HECW2: variants seen among roughly 807,000 people sequenced by gnomAD.
HECW2 encodes the protein HECT, C2 and WW domain containing E3 ubiquitin protein ligase 2, also known as E3 ubiquitin-protein ligase HECW2.
Under a neutral mutation model 175.2 loss-of-function variants are expected in HECW2, and 61 were observed. That is an observed-to-expected ratio of 0.35 (90% CI 0.28 to 0.43). The LOEUF is 0.43. HECW2 is among the 20% of genes least tolerant of loss of function. HECW2 has a pLI of 1.00. For missense variants in HECW2, 1,524 were observed against 2,000.5 expected (o/e 0.76, Z 4.54); for synonymous variants, 671 against 731.0 (o/e 0.92, Z 1.32).
At chr2:196,542,833 C>T (rs1689272734) in intron 1 of HECW2, among the ~76,000 whole-genome samples, 1 of 148,482 alleles carries the variant, frequency 6.7e-6, no homozygotes, top group Admixed American at 6.8e-5. Flanking sequence ...AATCTAATAT[C>T]TAATATACAT....
intron 18 of HECW2, among the ~76,000 whole-genome samples, chr2:196,254,982 T>G (rs1346935030): frequency 6.6e-6 from 1 of 150,728 alleles, no homozygotes; most frequent in East Asian, 1.9e-4. Flanking sequence ...CTTTTTTTTT[T>G]TTTTTTTCTG....
chr2:196,498,402 G>A (rs576332910), intron 1 of HECW2, among the ~76,000 whole-genome samples: 16 of 152,132 alleles, frequency 1.1e-4, no homozygotes, highest in Non-Finnish European at 1.8e-4. Flanking sequence ...GCAGTATCAT[G>A]GTGAACATCT....
At chr2:196,279,211 G>C (rs929150869) in intron 14 of HECW2, among the ~76,000 whole-genome samples, 4 of 152,022 alleles carry the variant, frequency 2.6e-5, no homozygotes, top group Non-Finnish European at 4.4e-5. Context: ...ACCACGCCCG[G>C]CTAATTTTTT....
chr2:196,430,032 G>GGCTA (rs1369152767), intron 2 of HECW2, among the ~76,000 whole-genome samples: 1 of 152,142 alleles, frequency 6.6e-6, no homozygotes, highest in African/African-American at 2.4e-5. Context: ...GAAGAGACCT[G>GGCTA]GCTAGCACTC....
chr2:196,347,609 T>C (rs1255094999), intron 2 of HECW2, among the ~76,000 whole-genome samples: 1 of 152,190 alleles, frequency 6.6e-6, no homozygotes, highest in Non-Finnish European at 1.5e-5. Context: ...AGAACACAAA[T>C]GTTCCATATA....
chr2:196,444,736 C>G (rs1696134859), intron 1 of HECW2, among the ~76,000 whole-genome samples: 1 of 152,196 alleles, frequency 6.6e-6, no homozygotes, highest in African/African-American at 2.4e-5. Flanking sequence ...AGGCCTCTCA[C>G]AAGTAGTGAC....
intron 15 of HECW2, among the ~76,000 whole-genome samples, chr2:196,278,236 T>C (rs919533797): frequency 3.5e-5 from 5 of 144,192 alleles, no homozygotes; most frequent in African/African-American, 1.3e-4. Flanking sequence ...ATCATCTTCC[T>C]GTCTCGAACA....
intron 1 of HECW2, among the ~76,000 whole-genome samples, chr2:196,457,427 A>G (rs747772063): frequency 1.3e-5 from 2 of 152,200 alleles, no homozygotes; most frequent in East Asian, 3.8e-4. Flanking sequence ...CCTCTTAACT[A>G]TACTCCAAGC....
chr2:196,278,374 C>CCTGT (rs2105985913), intron 15 of HECW2, among the ~76,000 whole-genome samples, 154 bp downstream of exon 15: 1 of 148,848 alleles, frequency 6.7e-6, no homozygotes, highest in South Asian at 2.2e-4. Flanking sequence ...CCAGAGAAGC[C>CCTGT]CTGTCAACAT....
At chr2:196,202,048 G>C (rs1686876512) in intron 28 of HECW2, among the ~76,000 whole-genome samples, 1 of 151,926 alleles carries the variant, frequency 6.6e-6, no homozygotes, top group African/African-American at 2.4e-5. Flanking sequence ...CTTTTGCCAA[G>C]ATAGGAAAAA....
intron 16 of HECW2, 45 bp downstream of exon 16, chr2:196,273,976 T>A (rs1212091757): frequency 7.2e-7 from 1 of 1,380,472 alleles, no homozygotes; most frequent in Non-Finnish European, 1.0e-6. Flanking sequence ...ATGGTACAGA[T>A]AATGGCACAA....
chr2:196,365,900 AC>A (rs1693730256), intron 2 of HECW2, among the ~76,000 whole-genome samples: 1 of 152,202 alleles, frequency 6.6e-6, no homozygotes, highest in Non-Finnish European at 1.5e-5. Context: ...AGATTGAATA[AC>A]TTGTTCACAG....
chr2:196,343,511 T>C (rs1411785081), intron 3 of HECW2, 146 bp downstream of exon 3: 1 of 598,600 alleles, frequency 1.7e-6, no homozygotes, highest in Admixed American at 2.9e-5. Flanking sequence ...CTGAGCATTT[T>C]CTAAAACAAT....
intron 2 of HECW2, among the ~76,000 whole-genome samples, chr2:196,364,256 T>C (rs1200797498): frequency 6.6e-6 from 1 of 152,234 alleles, no homozygotes; most frequent in African/African-American, 2.4e-5. Flanking sequence ...CTATCTATTT[T>C]CCTATATGGA....
At chr2:196,355,032 T>A (rs939842676) in intron 2 of HECW2, among the ~76,000 whole-genome samples, 19 of 152,226 alleles carry the variant, frequency 1.2e-4, no homozygotes, top group African/African-American at 4.6e-4. Flanking sequence ...AATTCTTTGA[T>A]AATGCTCAAA....
intron 1 of HECW2, among the ~76,000 whole-genome samples, chr2:196,531,718 G>A (rs948124517): frequency 1.7e-4 from 25 of 150,936 alleles, no homozygotes; most frequent in African/African-American, 4.7e-4. Flanking sequence ...TTTTACTTCC[G>A]AGCCTTTGCA....
At chr2:196,460,200 G>A (rs1171279163) in intron 1 of HECW2, among the ~76,000 whole-genome samples, 1 of 152,194 alleles carries the variant, frequency 6.6e-6, no homozygotes, top group Non-Finnish European at 1.5e-5. Flanking sequence ...AAACCAAGGA[G>A]TCAGACTTGA....
chr2:196,245,524 G>C (rs1321590214), intron 19 of HECW2, among the ~76,000 whole-genome samples: 1 of 152,196 alleles, frequency 6.6e-6, no homozygotes, highest in Non-Finnish European at 1.5e-5. Flanking sequence ...TACAGGGCTG[G>C]AATTGGGGTG....
intron 1 of HECW2, among the ~76,000 whole-genome samples, chr2:196,536,093 A>G (rs1187267695): frequency 6.6e-6 from 1 of 152,188 alleles, no homozygotes; most frequent in Non-Finnish European, 1.5e-5. Context: ...TAGGACTTAC[A>G]TGACTTCCTA....
Sources: gnomAD v4.1 joint callset for allele counts (sites outside exome capture counted in the v4.1 genomes callset) on GRCh38, gnomAD v4.1.1 for gene constraint, MANE v1.5 for transcripts, NCBI Gene and HGNC (gene_info 2026-07-23, HGNC 2026-07-21) for gene names.